DNAH11: variants seen among roughly 807,000 people sequenced by gnomAD.
DNAH11 encodes axonemal beta dynein heavy chain 11.
In DNAH11, 442 loss-of-function variants were observed where a neutral mutation model predicts 526.0. The observed-to-expected ratio is 0.84, with a 90% CI of 0.78 to 0.91. The LOEUF is 0.91. Ranked by LOEUF, DNAH11 falls within the 40% of genes least tolerant of loss-of-function variation. DNAH11 has a pLI of 0.00. For synonymous variants in DNAH11, 2,461 were observed against 1,935.9 expected, an observed-to-expected ratio of 1.27 and a Z score of -7.12; for missense variants, 6,989 against 5,448.7, an observed-to-expected ratio of 1.28 and a Z score of -8.90.
At chr7:21,782,057 A>G (rs1024264189) in intron 57 of DNAH11, among the ~76,000 whole-genome samples, 1 of 152,212 alleles carries the variant, frequency 6.6e-6, no homozygotes, top group Non-Finnish European at 1.5e-5. Context: ...ATACAGTCAC[A>G]TGGTGAGCTT....
chr7:21,544,904 G>GT, intron 1 of DNAH11, 102 bp from the exon 2 acceptor site: 1 of 999,396 alleles, frequency 1.0e-6, no homozygotes, highest in Non-Finnish European at 1.4e-6. Context: ...AAGATGCCAG[G>GT]TTTTGTTTCT....
intron 2 of DNAH11, among the ~76,000 whole-genome samples, chr7:21,546,494 G>A: frequency 6.6e-6 from 1 of 152,146 alleles, no homozygotes; most frequent in East Asian, 1.9e-4. Flanking sequence ...GCTACACTGT[G>A]AAATTCTTGC....
chr7:21,819,101 C>A (rs775189419), intron 65 of DNAH11, among the ~76,000 whole-genome samples: 2 of 152,154 alleles, frequency 1.3e-5, no homozygotes, highest in Admixed American at 6.5e-5. Context: ...TCAAGAGACT[C>A]CTTATGCCTC....
chr7:21,585,834 G>A (rs1232187587), intron 9 of DNAH11, among the ~76,000 whole-genome samples: 3 of 152,130 alleles, frequency 2.0e-5, no homozygotes, highest in South Asian at 2.1e-4. Flanking sequence ...GAGAAGTGGA[G>A]CAAAATTAAG....
chr7:21,853,083 C>T (rs752917422), intron 67 of DNAH11, among the ~76,000 whole-genome samples: 1 of 152,184 alleles, frequency 6.6e-6, no homozygotes, highest in Non-Finnish European at 1.5e-5. Context: ...GGATAATCTC[C>T]TGCTGTACTC....
chr7:21,690,526 A>G lies in DNAH11; in HGVS notation c.5925-239A>G, dbSNP rs149202791. 7.6e-3 allele frequency among the ~76,000 whole-genome samples: 1,151 copies of G among 152,326 alleles called. 12 individuals are homozygous for G. Among genetic ancestry groups the G allele is most frequent in the Non-Finnish European group, 1.0e-2 (678 of 68,028 alleles). ...TTTTATATTCTAGGATACTAAGGCT[A>G]TGCTAAAATAAAAAAGAATACTTCC... On this transcript the variant is annotated intron_variant, in intron 34 of 81. Transcript: ENST00000409508.
At chr7:21,629,872 T>G (rs1276384053) in intron 25 of DNAH11, among the ~76,000 whole-genome samples, 2 of 152,110 alleles carry the variant, frequency 1.3e-5, no homozygotes, top group African/African-American at 4.8e-5. Flanking sequence ...CTTTAGCTAT[T>G]CAGCCACTTT....
intron 28 of DNAH11, among the ~76,000 whole-genome samples, chr7:21,653,936 T>C (rs894890773): frequency 3.9e-5 from 6 of 152,212 alleles, no homozygotes; most frequent in African/African-American, 1.4e-4. Flanking sequence ...AGGTTGCTAT[T>C]GTTTCTAGAA....
chr7:21,714,738 C>T (rs1033655963), intron 42 of DNAH11, among the ~76,000 whole-genome samples: 1 of 152,148 alleles, frequency 6.6e-6, no homozygotes, highest in African/African-American at 2.4e-5. Flanking sequence ...AATCACTAAC[C>T]ATTTTACCTC....
rs115167658 is a variant in DNAH11 at position 21,676,103 on chromosome 7, G to A, written c.5329-5443G>A. On this transcript the variant is annotated intron_variant, in intron 30 of 81. Transcript: ENST00000409508. ...GTGAGATAGGAAAGGAGTGGTGTGA[G>A]GTCATGGAAGACTTTGTGCTCCAGG... Among the ~76,000 whole-genome samples, 185 of 152,242 alleles carry A rather than the reference G, an allele frequency of 1.2e-3. 1 individual carries two copies. The highest frequency in any genetic ancestry group is 3.9e-3 in the African/African-American group (163 of 41,540).
chr7:21,789,808 T>TCTTCTTTCTTTCTTTCTTTCTTTC, intron 61 of DNAH11, among the ~76,000 whole-genome samples: 22 of 34,126 alleles, frequency 6.4e-4, no homozygotes, highest in African/African-American at 1.3e-3. Context: ...TTTCTTTCTT[T>TCTTCTTTCTTTCTTTCTTTCTTTC]TTTCTTTCTT....
intron 25 of DNAH11, among the ~76,000 whole-genome samples, chr7:21,635,260 C>T (rs180675055): frequency 5.9e-5 from 9 of 152,198 alleles, no homozygotes; most frequent in South Asian, 4.1e-4. Context: ...GGGTTCACAC[C>T]GTTCTCCTGC....
intron 18 of DNAH11, among the ~76,000 whole-genome samples, chr7:21,601,895 T>G (rs1420340196): frequency 6.6e-6 from 1 of 152,134 alleles, no homozygotes; most frequent in Non-Finnish European, 1.5e-5. Flanking sequence ...GAATGTAGAT[T>G]GTAAAGAACC....
In DNAH11 at chr7:21,638,685, T is replaced by A. The variant is rs552831392; in HGVS notation, c.4818-254T>A. On this transcript the variant is annotated intron_variant, in intron 27 of 81. Coordinates refer to ENST00000409508, the MANE Select transcript of DNAH11 (RefSeq NM_001277115.2). ...AGTCTAATTCATATTTAGCCACAGCTAATGGGGTGTGTGTGTGTGTGTGTG... is the reference window on the plus strand; with the variant it reads ...AGTCTAATTCATATTTAGCCACAGCAAATGGGGTGTGTGTGTGTGTGTGTG... Among the ~76,000 whole-genome samples the A allele has an allele frequency of 3.6e-4, 47 of 129,880 alleles. No homozygotes were observed. The East Asian group carries it at 8.8e-3, about 24-fold the overall frequency. 85.2% of individuals were successfully genotyped at this position (129,880 alleles called of 152,430 possible). A position where few individuals can be genotyped will look rare whatever the true frequency, so the allele number is the denominator to read the frequency against.
At chr7:21,685,485 A>G (rs1032943394) in intron 32 of DNAH11, among the ~76,000 whole-genome samples, 1 of 152,212 alleles carries the variant, frequency 6.6e-6, no homozygotes, top group Admixed American at 6.5e-5. Flanking sequence ...TTCCATTTCC[A>G]TTTCATTCTT....
chr7:21,816,331 G>T, intron 63 of DNAH11, 136 bp from the exon 64 acceptor site: 1 of 675,860 alleles, frequency 1.5e-6, no homozygotes, highest in Non-Finnish European at 2.6e-6. Flanking sequence ...AGTTGTGTTT[G>T]GCTTCTGAGA....
intron 65 of DNAH11, among the ~76,000 whole-genome samples, chr7:21,829,959 A>T (rs1199014367): frequency 1.3e-5 from 2 of 152,238 alleles, no homozygotes; most frequent in African/African-American, 4.8e-5. Context: ...TGATTTGCAT[A>T]GCTATCTTCC....
chr7:21,565,977 C>T (rs79485182), intron 6 of DNAH11, among the ~76,000 whole-genome samples: 2,828 of 152,182 alleles, frequency 0.019, 81 homozygotes, highest in African/African-American at 0.063. Flanking sequence ...TAAACAGGTT[C>T]CCTGGGTCCT....
At chr7:21,716,241 A>G (rs550971571) in intron 42 of DNAH11, among the ~76,000 whole-genome samples, 1 of 152,212 alleles carries the variant, frequency 6.6e-6, no homozygotes, top group South Asian at 2.1e-4. Flanking sequence ...GCCCAATAGG[A>G]CGCTACTGCC....
Sources: allele counts gnomAD v4.1 joint callset (sites outside exome capture counted in the v4.1 genomes callset), GRCh38; gene constraint gnomAD v4.1.1; transcripts MANE v1.5; gene names NCBI Gene and HGNC (gene_info 2026-07-23, HGNC 2026-07-21).